Variants in SREK1IP1 observed in about 807,000 individuals in gnomAD.
SREK1IP1 encodes protein SREK1IP1.
Under a neutral mutation model 22.8 loss-of-function variants are expected in SREK1IP1, and 12 were observed. The ratio of observed to expected loss-of-function variants is 0.53; its 90% confidence interval spans 0.34 to 0.85. SREK1IP1 has a LOEUF of 0.85. Among genes scored for constraint, SREK1IP1 ranks in the 40% least tolerant of loss-of-function variants. The probability of loss-of-function intolerance (pLI) is 0.02; values close to 1 mark genes in which losing one functional copy is unlikely to be tolerated. For synonymous variants in SREK1IP1, 53 were observed against 52.7 expected (o/e 1.01, Z -0.02); for missense variants, 147 against 171.8 (o/e 0.86, Z 0.81).
At chr5:64,724,699 A>G in intron 4 of SREK1IP1, 126 bp from the exon 5 acceptor site, 1 of 728,778 alleles carries the variant, frequency 1.4e-6, no homozygotes, top group South Asian at 3.9e-5. Context: ...AACTTAAAAA[A>G]TGCTTCATAT....
intron 1 of SREK1IP1, among the ~76,000 whole-genome samples, chr5:64,756,824 C>T (rs1163636780): frequency 6.6e-6 from 1 of 152,072 alleles, no homozygotes. Context: ...GATGGGGTTT[C>T]ACCATGTTAG....
rs769894630 is a variant in SREK1IP1 at position 64,768,485 on chromosome 5, G to A, written c.13+20C>T. ...CTCCCTTCGGAGCTCGGACGCAGAGGCCCTGTAATTGCTCCTTACCTGGGA... is the reference window on the plus strand; with the variant it reads ...CTCCCTTCGGAGCTCGGACGCAGAGACCCTGTAATTGCTCCTTACCTGGGA... On this transcript the variant is annotated intron_variant, in intron 1 of 4. Transcript: ENST00000513458. 6.2e-7 allele frequency: 1 copy of A among 1,614,084 alleles called. No individual in the cohort carries two copies. The highest frequency in any genetic ancestry group is 8.5e-7 in the Non-Finnish European group (1 of 1,179,992).
At chr5:64,735,734 A>G (rs1368147528) in intron 3 of SREK1IP1, among the ~76,000 whole-genome samples, 3 of 152,114 alleles carry the variant, frequency 2.0e-5, no homozygotes, top group African/African-American at 7.2e-5. Flanking sequence ...TATCAGTAAT[A>G]TATGCTTTTT....
chr5:64,767,592 A>G (rs1007482124), intron 1 of SREK1IP1, among the ~76,000 whole-genome samples: 2 of 152,244 alleles, frequency 1.3e-5, no homozygotes, highest in Non-Finnish European at 2.9e-5. Flanking sequence ...ACCTGGTCAA[A>G]TAATACTGGG....
intron 2 of SREK1IP1, among the ~76,000 whole-genome samples, chr5:64,743,224 T>C (rs1264981669): frequency 6.6e-5 from 10 of 151,080 alleles, no homozygotes; most frequent in Admixed American, 6.6e-4. Context: ...TCCTTGTCAA[T>C]GTTTAGATAT....
intron 1 of SREK1IP1, among the ~76,000 whole-genome samples, chr5:64,766,630 T>C (rs945442431): frequency 6.6e-6 from 1 of 152,202 alleles, no homozygotes; most frequent in African/African-American, 2.4e-5. Flanking sequence ...ATGCCAAACC[T>C]CTTGTCATGG....
chr5:64,751,428 G>A (rs1424752736), intron 2 of SREK1IP1, among the ~76,000 whole-genome samples: 1 of 152,186 alleles, frequency 6.6e-6, no homozygotes, highest in Non-Finnish European at 1.5e-5. Context: ...CCTTTAGAAA[G>A]ATGTAATTAA....
chr5:64,729,397 C>G (rs995291411), intron 3 of SREK1IP1, among the ~76,000 whole-genome samples: 2 of 152,078 alleles, frequency 1.3e-5, no homozygotes, highest in African/African-American at 2.4e-5. Flanking sequence ...TTGGTGCGTT[C>G]TAGAAACTAA....
In SREK1IP1 at chr5:64,761,745, G is replaced by A. The variant is rs553423337; in HGVS notation, c.13+6760C>T. On this transcript the variant is annotated intron_variant, in intron 1 of 4. Transcript: ENST00000513458. The stretch of plus-strand genomic sequence containing the variant: ...AAACTGGCAACTTCTCTAGACCCCA[G>A]TTGCCAGCTAAGAAATACGCGTGTG... 3.9e-5 allele frequency among the ~76,000 whole-genome samples: 6 copies of A among 152,302 alleles called. No individual in the cohort carries two copies. The South Asian group carries it at 1.2e-3, about 32-fold the overall frequency.
chr5:64,742,867 T>C (rs918493947), intron 2 of SREK1IP1, among the ~76,000 whole-genome samples: 1 of 152,200 alleles, frequency 6.6e-6, no homozygotes, highest in Non-Finnish European at 1.5e-5. Flanking sequence ...AGTTTCTTAG[T>C]TGTTTCTTAG....
intron 2 of SREK1IP1, among the ~76,000 whole-genome samples, chr5:64,753,304 A>G (rs530670777): frequency 1.8e-4 from 27 of 152,328 alleles, no homozygotes; most frequent in African/African-American, 6.3e-4. Context: ...AAAAGAAAGT[A>G]AACAAAGTTA....
rs1032932910 is a variant in SREK1IP1 at position 64,721,857 on chromosome 5, A to G, written c.*2527T>C. The G allele has an allele frequency of 2.0e-5, 3 of 152,178 alleles. No homozygotes were observed. Among genetic ancestry groups the G allele is most frequent in the African/African-American group, 7.2e-5 (3 of 41,454 alleles). 9.4% of individuals were successfully genotyped at this position (152,178 alleles called of 1,614,324 possible). On this transcript the variant is annotated 3_prime_UTR_variant, in exon 5 of 5. Transcript: ENST00000513458. ...ATATTGCTTGAATTTTAAAATATTGATAATTATATATATTAAACCTTGAAG... is the reference window on the plus strand; with the variant it reads ...ATATTGCTTGAATTTTAAAATATTGGTAATTATATATATTAAACCTTGAAG...
chr5:64,748,800 T>C (rs1742687524), intron 2 of SREK1IP1, among the ~76,000 whole-genome samples: 1 of 152,174 alleles, frequency 6.6e-6, no homozygotes. Flanking sequence ...TAATGTCACA[T>C]AGCTAGTAAG....
At chr5:64,749,068 A>C (rs1197232986) in intron 2 of SREK1IP1, among the ~76,000 whole-genome samples, 2 of 78,746 alleles carry the variant, frequency 2.5e-5, no homozygotes, top group African/African-American at 1.2e-4. Context: ...ACATAATAAT[A>C]ATAATAATAA....
chr5:64,755,278 A>T (rs1209477503), intron 1 of SREK1IP1, among the ~76,000 whole-genome samples: 1 of 152,172 alleles, frequency 6.6e-6, no homozygotes, highest in Non-Finnish European at 1.5e-5. Context: ...TCATTGCAGC[A>T]TTATTTACAA....
At chr5:64,766,603 C>T (rs1200708326) in intron 1 of SREK1IP1, among the ~76,000 whole-genome samples, 1 of 152,214 alleles carries the variant, frequency 6.6e-6, no homozygotes, top group Non-Finnish European at 1.5e-5. Flanking sequence ...AAATGGCTTC[C>T]TGCCATCTGT....
rs552257044 is a variant in SREK1IP1 at position 64,737,210 on chromosome 5, TAAG to T, written c.205+3844_205+3846del. 2.6e-3 allele frequency among the ~76,000 whole-genome samples: 394 copies of T among 152,082 alleles called. 2 individuals carry two copies. In the Middle Eastern group the frequency reaches 0.027, roughly 11 times the overall value. On this transcript the variant is annotated intron_variant, in intron 3 of 4. Coordinates refer to ENST00000513458, the MANE Select transcript of SREK1IP1 (RefSeq NM_173829.4). ...GTGACAAAATAAGTCTTCACAAATT[TAAG>T]AAGATTGGAATCATATTGAGTATCT...
chr5:64,767,219 T>TTTGG (rs1743050585), intron 1 of SREK1IP1, among the ~76,000 whole-genome samples: 1 of 152,202 alleles, frequency 6.6e-6, no homozygotes, highest in Non-Finnish European at 1.5e-5. Context: ...GATCTCCTCC[T>TTTGG]AAGTGCTACC....
At chr5:64,760,181 G>GA (rs1240458024) in intron 1 of SREK1IP1, among the ~76,000 whole-genome samples, 2 of 151,892 alleles carry the variant, frequency 1.3e-5, no homozygotes, top group African/African-American at 4.8e-5. Flanking sequence ...ACTGTAAAAA[G>GA]AAAAAAAGCA....
Sources: allele counts gnomAD v4.1 joint callset (sites outside exome capture counted in the v4.1 genomes callset), GRCh38; gene constraint gnomAD v4.1.1; transcripts MANE v1.5; gene names NCBI Gene and HGNC (gene_info 2026-07-23, HGNC 2026-07-21).